The following POLR1B variants were observed in gnomAD, a reference collection of about 807,000 sequenced individuals.
POLR1B encodes the protein DNA-directed RNA polymerase I subunit RPA2.
Under a neutral mutation model 105.8 loss-of-function variants are expected in POLR1B, and 30 were observed. The ratio of observed to expected loss-of-function variants is 0.28; its 90% CI spans 0.21 to 0.38. The LOEUF is 0.38. POLR1B is among the 10% of genes least tolerant of loss of function. The pLI is 1.00. For synonymous variants in POLR1B, 485 were observed against 505.1 expected (o/e 0.96, Z 0.53); for missense variants, 976 against 1,435.8 (o/e 0.68, Z 5.17).
At chr2:112,567,173 T>G (rs1265989876) in intron 10 of POLR1B, among the ~76,000 whole-genome samples, 1 of 152,186 alleles carries the variant, frequency 6.6e-6, no homozygotes, top group East Asian at 1.9e-4. Context: ...TTAATTTTGT[T>G]GCATAACTGA....
In POLR1B at chr2:112,552,795, G is replaced by A. The variant is rs890168337; in HGVS notation, c.1137G>A (p.Gln379=). The change falls in exon 7 of 15, where the codon CAG becomes CAA. Residue 379 remains glutamine, a synonymous_variant. Coordinates refer to ENST00000263331, the MANE Select transcript of POLR1B (RefSeq NM_019014.6). The stretch of plus-strand genomic sequence containing the variant: ...ACCAGGAAGTCCTCACACCGGGTCA[G>A]CTCTTCCTTATGTTCCTGAAGGTAA... ...LVNQEVLTPG[Q]LFLMFLKEKL... 2.5e-6 allele frequency: 4 copies of A among 1,594,326 alleles called. No homozygotes were observed. The highest frequency in any genetic ancestry group is 1.7e-4 in the Middle Eastern group (1 of 5,998).
intron 10 of POLR1B, among the ~76,000 whole-genome samples, chr2:112,565,639 A>G (rs1684238309): frequency 6.6e-6 from 1 of 151,574 alleles, no homozygotes; most frequent in Non-Finnish European, 1.5e-5. Flanking sequence ...AGCTCACTGC[A>G]GCCTTAGTGT....
chr2:112,542,794 C>A, intron 1 of POLR1B, 123 bp downstream of exon 1: 2 of 1,268,742 alleles, frequency 1.6e-6, no homozygotes, highest in Non-Finnish European at 2.2e-6. Context: ...GGTGGGTAAG[C>A]GGGAGAGCAC....
chr2:112,559,690 G>T, intron 9 of POLR1B, 116 bp downstream of exon 9: 5 of 1,242,854 alleles, frequency 4.0e-6, no homozygotes, highest in Non-Finnish European at 5.7e-6. Context: ...GAGTGCAGTG[G>T]CGCGATCTTG....
intron 3 of POLR1B, among the ~76,000 whole-genome samples, chr2:112,548,738 G>A (rs1236183004): frequency 2.6e-5 from 4 of 151,560 alleles, no homozygotes; most frequent in East Asian, 1.9e-4. Flanking sequence ...TCAGCCTCCC[G>A]AGTAGCTGGG....
chr2:112,551,467 T>C (rs145224721), intron 5 of POLR1B, among the ~76,000 whole-genome samples: 16 of 152,346 alleles, frequency 1.1e-4, no homozygotes, highest in African/African-American at 3.4e-4. Context: ...GTGCCCTTTG[T>C]GATCTAGCCC....
chr2:112,576,502 T>C lies in POLR1B; in HGVS notation c.*773T>C, dbSNP rs778173831. On this transcript the variant is annotated 3_prime_UTR_variant, in exon 15 of 15. Coordinates refer to ENST00000263331, the MANE Select transcript of POLR1B (RefSeq NM_019014.6). ...TTGCATAACTGAAGCTTTATACCTG[T>C]TGAACAACTCTCCATTTCCCTGGCC... 1.3e-5 allele frequency: 2 copies of C among 152,288 alleles called. No homozygotes were observed. Among genetic ancestry groups the C allele is most frequent in the African/African-American group, 2.4e-5 (1 of 41,460 alleles). The allele number at this position is 152,288 out of a possible 1,614,324, so 9.4% of individuals were successfully genotyped here.
In POLR1B at chr2:112,542,619, A is replaced by C; in HGVS notation, c.125A>C (p.His42Pro). ...KAALQELTRA[H>P]VESFNYAVHE... ...GCGTTGCAGGAGCTGACGCGGGCGC[A>C]CGTGGAGTCCTTCAACTACGCTGTG... Residue 42 changes from histidine (H) to proline (P), a missense_variant, in exon 1 of 15, where the codon CAC (histidine) becomes CCC (proline). Physicochemically the swap from His to Pro is moderately conservative, Grantham distance 77. Coordinates refer to ENST00000263331, the MANE Select transcript of POLR1B (RefSeq NM_019014.6). 2 of 1,614,100 alleles carry C rather than the reference A, an allele frequency of 1.2e-6. No individual in the cohort carries two copies. Among genetic ancestry groups the C allele is most frequent in the Non-Finnish European group, 1.7e-6 (2 of 1,180,006 alleles).
At chr2:112,548,323 C>T (rs1489267832) in intron 3 of POLR1B, 1 of 152,142 alleles carries the variant, frequency 6.6e-6, no homozygotes, top group Non-Finnish European at 1.5e-5. Flanking sequence ...CTCCCTGAGC[C>T]TCAGTTTCCT....
Position 112,568,842 on chromosome 2 carries a change from A to C in POLR1B, c.2014A>C (p.Asn672His). The C allele has an allele frequency of 6.2e-7, 1 of 1,614,188 alleles. No homozygotes were observed. The highest frequency in any genetic ancestry group is 8.5e-7 in the Non-Finnish European group (1 of 1,180,024). Residue 672 changes from asparagine (N) to histidine (H), a missense_variant, in exon 12 of 15, where the codon AAC becomes CAC. Around this residue, in one of 12 missense-constraint regions of POLR1B, gnomAD observed 184 missense variants for 197.4 expected, o/e 0.93. Coordinates refer to ENST00000263331, the MANE Select transcript of POLR1B (RefSeq NM_019014.6). ...ACACAGCCTGCTGAGTGTGATTGCCAACTTCATCCCTTTCTCTGATCACAA... is the reference window on the plus strand; with the variant it reads ...ACACAGCCTGCTGAGTGTGATTGCCCACTTCATCCCTTTCTCTGATCACAA... ...FPHSLLSVIA[N>H]FIPFSDHNQS... is the part of the protein sequence containing the mutation.
At chr2:112,556,902 T>C (rs1306545388) in intron 7 of POLR1B, among the ~76,000 whole-genome samples, 6 of 152,218 alleles carry the variant, frequency 3.9e-5, no homozygotes, top group Non-Finnish European at 7.3e-5. Flanking sequence ...AATGATCAAA[T>C]CAGAGTAATT....
At chr2:112,568,562 G>A (rs947740744) in intron 11 of POLR1B, among the ~76,000 whole-genome samples, 184 bp from the exon 12 acceptor site, 11 of 152,152 alleles carry the variant, frequency 7.2e-5, no homozygotes, top group East Asian at 5.8e-4. Flanking sequence ...AGTGAGATAC[G>A]TAAAGCAAGT....
chr2:112,551,729 A>G lies in POLR1B; in HGVS notation c.763-46A>G, dbSNP rs367601858. ...ATAATTATTAGTGAATAGATAAAGTATTTTAGTTATTAGTGAGCAATTAAA... is the reference window on the plus strand; with the variant it reads ...ATAATTATTAGTGAATAGATAAAGTGTTTTAGTTATTAGTGAGCAATTAAA... On this transcript the variant is annotated intron_variant, in intron 5 of 14. Coordinates refer to ENST00000263331, the MANE Select transcript of POLR1B (RefSeq NM_019014.6). 6 of 1,446,454 alleles carry G rather than the reference A, an allele frequency of 4.1e-6. No individual in the cohort carries two copies. The African/African-American group carries it at 5.7e-5, about 14-fold the overall frequency. 89.6% of individuals were successfully genotyped at this position (1,446,454 alleles called of 1,614,324 possible).
intron 12 of POLR1B, among the ~76,000 whole-genome samples, chr2:112,569,418 C>G (rs1452144602): frequency 6.6e-6 from 1 of 152,152 alleles, no homozygotes; most frequent in African/African-American, 2.4e-5. Context: ...TTTTGCTTCA[C>G]TTGAAGGAAT....
At position 112,575,801 on chromosome 2, in the gene POLR1B, A is replaced by G; in HGVS notation, c.*72A>G. The G allele has an allele frequency of 6.8e-7, 1 of 1,468,998 alleles. No homozygotes were observed. The highest frequency in any genetic ancestry group is 9.2e-7 in the Non-Finnish European group (1 of 1,088,924). 91.0% of individuals were successfully genotyped at this position (1,468,998 alleles called of 1,614,324 possible). On this transcript the variant is annotated 3_prime_UTR_variant, in exon 15 of 15. Coordinates refer to ENST00000263331, the MANE Select transcript of POLR1B (RefSeq NM_019014.6). This position sits in a 1 kb window ranked among gnomAD's most constrained non-coding sequence, Gnocchi z 5.3. ...AATGTAATTTTAATTCAATGAAGAT[A>G]TCATTACCAGGTTACTCTTGAGATT... is the stretch of plus-strand genomic sequence containing the variant.
In POLR1B at chr2:112,552,646, C is replaced by G; in HGVS notation, c.988C>G (p.Gln330Glu). 1.3e-6 allele frequency: 2 copies of G among 1,551,984 alleles called. No individual in the cohort carries two copies. The highest frequency in any genetic ancestry group is 1.7e-6 in the Non-Finnish European group (2 of 1,153,272). ...NEQAAEFLFN[Q>E]CICIHLKSNT... is the part of the protein sequence containing the mutation. ...TTTTTTTTTTTTCTGTTTTCACAGCCAGTGCATCTGTATCCACTTGAAATC... is the reference window on the plus strand; with the variant it reads ...TTTTTTTTTTTTCTGTTTTCACAGCGAGTGCATCTGTATCCACTTGAAATC... The change falls in exon 7 of 15, where the codon CAG becomes GAG. Residue 330 changes from glutamine (Q) to glutamate (E), a missense_variant and splice_region_variant. By Grantham distance (29) the Gln-to-Glu change is conservative. Coordinates refer to ENST00000263331, the MANE Select transcript of POLR1B (RefSeq NM_019014.6).
At position 112,575,063 on chromosome 2, in the gene POLR1B, G is replaced by C; in HGVS notation, c.2742G>C (p.Leu914=). 1 of 1,614,232 alleles carries C rather than the reference G, an allele frequency of 6.2e-7. No individual in the cohort carries two copies. Among genetic ancestry groups the C allele is most frequent in the Non-Finnish European group, 8.5e-7 (1 of 1,180,032 alleles). The change falls in exon 15 of 15, where the codon CTG becomes CTC. Residue 914 remains leucine (L), a synonymous_variant. Transcript: ENST00000263331. This position sits in a 1 kb window ranked among gnomAD's most constrained non-coding sequence, Gnocchi z 5.3. ...AGAGTGGGATGGTCCCAGACATTCT[G>C]TTCAATCCCCATGGTTTTCCATCCC... ...FTESGMVPDI[L]FNPHGFPSRM...
At chr2:112,543,314 T>C (rs988545076) in intron 1 of POLR1B, among the ~76,000 whole-genome samples, 6 of 152,178 alleles carry the variant, frequency 3.9e-5, no homozygotes, top group African/African-American at 1.4e-4. Context: ...GAGGAGGCAG[T>C]CCCGTGTACG....
chr2:112,542,063 C>T, upstream of POLR1B: 1 of 1,510,194 alleles, frequency 6.6e-7, no homozygotes, highest in African/African-American at 1.4e-5. Flanking sequence ...TCCCCAGGGT[C>T]GGCATCAGCG....
Sources: allele counts gnomAD v4.1 joint callset (sites outside exome capture counted in the v4.1 genomes callset), GRCh38; gene constraint gnomAD v4.1.1; regional missense constraint gnomAD v4.1.1; non-coding constraint Gnocchi (gnomAD v3.1); transcripts MANE v1.5; gene names NCBI Gene and HGNC (gene_info 2026-07-23, HGNC 2026-07-21).